The following ATXN7L1 variants were observed in gnomAD, a reference collection of about 807,000 sequenced individuals.
ATXN7L1 encodes the protein ataxin-7-like protein 1.
In ATXN7L1, 15 loss-of-function variants were observed where a neutral mutation model predicts 70.8. The observed-to-expected ratio is 0.21, with a 90% CI of 0.14 to 0.33. The LOEUF is 0.33. Among genes scored for constraint, ATXN7L1 ranks in the 10% least tolerant of loss-of-function variants. The pLI is 1.00. For synonymous variants in ATXN7L1, 440 were observed against 445.1 expected (o/e 0.99, Z 0.14); for missense variants, 975 against 1,097.1 (o/e 0.89, Z 1.57).
Position 105,665,202 on chromosome 7 carries a change from T to C in ATXN7L1, c.442A>G (p.Thr148Ala), listed in dbSNP as rs1802433991. ...TGATGGCCGCTGAGACAGGCTTTTG[T>C]TTTCACCTGTACTAGTGATGTCCTG... is the stretch of plus-strand genomic sequence containing the variant. ...NPRTSLVQVK[T>A]KACLSGHHSA... Residue 148 changes from threonine (T) to alanine (A), a missense_variant, in exon 4 of 12, where the codon ACA (threonine) becomes GCA (alanine). Physicochemically the swap from Thr to Ala is moderately conservative, Grantham distance 58. Around this residue, in one of 5 missense-constraint regions of ATXN7L1, gnomAD observed 192 missense variants for 215.5 expected, o/e 0.89. Coordinates refer to ENST00000419735, the MANE Select transcript of ATXN7L1 (RefSeq NM_020725.2). 6.4e-7 allele frequency: 1 copy of C among 1,551,650 alleles called. No homozygotes were observed. The highest frequency in any genetic ancestry group is 1.4e-5 in the African/African-American group (1 of 73,140).
intron 3 of ATXN7L1, among the ~76,000 whole-genome samples, chr7:105,692,420 T>C (rs868302925): frequency 1.5e-4 from 17 of 112,026 alleles, no homozygotes; most frequent in Middle Eastern, 4.5e-3. Context: ...CTTCCTTCCT[T>C]CCTTCCTCCC....
intron 3 of ATXN7L1, among the ~76,000 whole-genome samples, chr7:105,679,568 G>A (rs1293209901): frequency 2.0e-5 from 3 of 152,186 alleles, no homozygotes; most frequent in African/African-American, 7.2e-5. Flanking sequence ...TTTGTGGGTT[G>A]TTGGAACTAT....
rs1286150399 is a variant in ATXN7L1, at chr7:105,677,105, C to G, written c.356-11817G>C. On this transcript the variant is annotated intron_variant, in intron 3 of 11. Transcript: ENST00000419735. ...GGCTGCACTTCCACATCAGAGAACA[C>G]ACAGTGCAGCAGCCACTTCTTTACT... Among the ~76,000 whole-genome samples, 8 of 152,310 alleles carry G rather than the reference C, an allele frequency of 5.3e-5. No homozygotes were observed. In the East Asian group the frequency reaches 1.4e-3, roughly 26 times the overall value.
chr7:105,667,742 C>T (rs1204726191), intron 3 of ATXN7L1, among the ~76,000 whole-genome samples: 1 of 148,990 alleles, frequency 6.7e-6, no homozygotes, highest in Non-Finnish European at 1.5e-5. Flanking sequence ...TATGATCTTT[C>T]TGATAGATGA....
chr7:105,760,473 C>A (rs562013308), intron 3 of ATXN7L1: 7 of 985,674 alleles, frequency 7.1e-6, no homozygotes, highest in Non-Finnish European at 8.4e-6. Flanking sequence ...CCTAATGGTA[C>A]TCTCCTATAT....
intron 3 of ATXN7L1, among the ~76,000 whole-genome samples, chr7:105,739,532 C>T (rs748622244): frequency 1.8e-4 from 27 of 152,222 alleles, no homozygotes; most frequent in Non-Finnish European, 3.8e-4. Context: ...AGAACCACTG[C>T]CTTGCTCTTC....
chr7:105,793,301 A>G (rs1805519669), intron 2 of ATXN7L1, among the ~76,000 whole-genome samples: 1 of 152,178 alleles, frequency 6.6e-6, no homozygotes, highest in Non-Finnish European at 1.5e-5. Flanking sequence ...ATCTCTGAAA[A>G]TGGCTAACAG....
At chr7:105,724,568 T>C (rs1356737187) in intron 3 of ATXN7L1, among the ~76,000 whole-genome samples, 1 of 102,234 alleles carries the variant, frequency 9.8e-6, no homozygotes, top group African/African-American at 4.2e-5. Context: ...AGCAAGACTC[T>C]GTCTCAAAAA....
intron 3 of ATXN7L1, among the ~76,000 whole-genome samples, chr7:105,700,639 A>G (rs1405942174): frequency 6.6e-6 from 1 of 151,918 alleles, no homozygotes; most frequent in Admixed American, 6.6e-5. Flanking sequence ...GCAGTTTGCA[A>G]CGATGTGATA....
intron 4 of ATXN7L1, among the ~76,000 whole-genome samples, chr7:105,664,588 T>TATATATATA (rs1388359970): frequency 1.4e-5 from 2 of 147,662 alleles, no homozygotes; most frequent in Non-Finnish European, 3.0e-5. Context: ...TATATATATA[T>TATATATATA]TTGAGACAGA....
chr7:105,863,129 A>T (rs1816886692), intron 2 of ATXN7L1, among the ~76,000 whole-genome samples: 1 of 152,216 alleles, frequency 6.6e-6, no homozygotes. Context: ...GCGGCCTAGA[A>T]GATGTTCAAA....
intron 2 of ATXN7L1, among the ~76,000 whole-genome samples, chr7:105,844,692 T>C (rs996872702): frequency 3.3e-5 from 5 of 152,164 alleles, no homozygotes; most frequent in African/African-American, 9.7e-5. Flanking sequence ...ACTCTCACCA[T>C]CAGTACTCAA....
chr7:105,837,313 T>C (rs574896912), intron 2 of ATXN7L1, among the ~76,000 whole-genome samples: 1 of 152,180 alleles, frequency 6.6e-6, no homozygotes, highest in South Asian at 2.1e-4. Context: ...TTCTGATTCC[T>C]TCCTACTTCT....
chr7:105,743,996 T>G (rs1019416451), intron 3 of ATXN7L1, among the ~76,000 whole-genome samples: 22 of 152,184 alleles, frequency 1.4e-4, no homozygotes, highest in African/African-American at 5.3e-4. Flanking sequence ...TTTAATGGGT[T>G]TGAAACAGCA....
In ATXN7L1 at chr7:105,799,256, A is replaced by G. The variant is rs1266108340; in HGVS notation, c.251-10548T>C. 5.3e-5 allele frequency among the ~76,000 whole-genome samples: 8 copies of G among 152,354 alleles called. No homozygotes were observed. In the South Asian group the frequency reaches 6.2e-4, roughly 12 times the overall value. On this transcript the variant is annotated intron_variant, in intron 2 of 11. Transcript: ENST00000419735. ...CGCAGCAGGCCTCAGCTGTCAAGCTATTACTACAAATGTCATCCAGAACAT... is the reference window on the plus strand; with the variant it reads ...CGCAGCAGGCCTCAGCTGTCAAGCTGTTACTACAAATGTCATCCAGAACAT...
intron 3 of ATXN7L1, among the ~76,000 whole-genome samples, chr7:105,745,276 A>G (rs1002484275): frequency 9.2e-5 from 14 of 152,110 alleles, no homozygotes; most frequent in African/African-American, 3.1e-4. Context: ...AGATACACAT[A>G]TATATAGGGG....
At chr7:105,737,528 CGTGTGTGTGTGTGTGTGTGT>C (rs71520935) in intron 3 of ATXN7L1, among the ~76,000 whole-genome samples, 1 of 148,726 alleles carries the variant, frequency 6.7e-6, no homozygotes, top group African/African-American at 2.5e-5. Flanking sequence ...CTAACGTCCC[CGTGTGTGTGTGTGTGTGTGT>C]GTGTGTGTGT....
At chr7:105,863,441 G>A (rs1816931244) in intron 2 of ATXN7L1, among the ~76,000 whole-genome samples, 1 of 152,228 alleles carries the variant, frequency 6.6e-6, no homozygotes, top group Non-Finnish European at 1.5e-5. Context: ...GGCCAAGGAT[G>A]GTGAGAGGAT....
chr7:105,641,617 G>A (rs1389871493), intron 5 of ATXN7L1, among the ~76,000 whole-genome samples: 1 of 152,248 alleles, frequency 6.6e-6, no homozygotes, highest in African/African-American at 2.4e-5. Context: ...CTGTGCCCAC[G>A]CCTACCGGTT....
Sources: allele counts gnomAD v4.1 joint callset (sites outside exome capture counted in the v4.1 genomes callset), GRCh38; gene constraint gnomAD v4.1.1; regional missense constraint gnomAD v4.1.1; transcripts MANE v1.5; gene names NCBI Gene and HGNC (gene_info 2026-07-23, HGNC 2026-07-21).